Variants in FHOD3 observed in about 807,000 individuals in gnomAD.
The protein encoded by FHOD3 is FH1/FH2 domain-containing protein 3.
In FHOD3, 90 loss-of-function variants were observed where a neutral mutation model predicts 173.0. The ratio of observed to expected loss-of-function variants is 0.52; its 90% CI spans 0.44 to 0.62. The LOEUF (loss-of-function observed/expected upper bound fraction) is 0.62. FHOD3 is among the 20% of genes least tolerant of loss of function. The pLI is 0.00. For missense variants in FHOD3, 1,945 were observed against 2,034.7 expected (o/e 0.96, Z 0.85); for synonymous variants, 828 against 823.0 (o/e 1.01, Z -0.10).
chr18:36,745,643 A>G (rs1033281821), intron 23 of FHOD3, among the ~76,000 whole-genome samples: 3 of 151,996 alleles, frequency 2.0e-5, no homozygotes, highest in Admixed American at 6.6e-5. Flanking sequence ...TGCCTCTGTC[A>G]GTGGCCCCTA....
At chr18:36,519,797 G>A (rs1349720582) in intron 5 of FHOD3, among the ~76,000 whole-genome samples, 1 of 152,150 alleles carries the variant, frequency 6.6e-6, no homozygotes, top group Non-Finnish European at 1.5e-5. Flanking sequence ...GGCAGCAAGT[G>A]CGATATTTGC....
intron 7 of FHOD3, 40 bp from the exon 8 acceptor site, chr18:36,602,634 G>C (rs1032068375): frequency 4.3e-6 from 6 of 1,387,110 alleles, no homozygotes; most frequent in Non-Finnish European, 5.1e-6. Flanking sequence ...AAAGAATGTT[G>C]ATGAATTGCT....
intron 5 of FHOD3, among the ~76,000 whole-genome samples, chr18:36,552,920 G>T (rs2057720750): frequency 6.6e-6 from 1 of 152,138 alleles, no homozygotes; most frequent in African/African-American, 2.4e-5. Context: ...AATGCTTCCA[G>T]TTTTTGCCCA....
intron 5 of FHOD3, among the ~76,000 whole-genome samples, chr18:36,560,158 C>A (rs751128084): frequency 1.3e-4 from 20 of 152,296 alleles, no homozygotes; most frequent in Non-Finnish European, 1.3e-4. Context: ...TTACACCTTG[C>A]CTAAGTTCGT....
intron 3 of FHOD3, among the ~76,000 whole-genome samples, chr18:36,421,546 T>G (rs2049985509): frequency 6.6e-6 from 1 of 152,236 alleles, no homozygotes; most frequent in Non-Finnish European, 1.5e-5. Flanking sequence ...CGATAGTGAT[T>G]GGCTTAACTT....
chr18:36,757,141 A>G (rs2042664784), intron 25 of FHOD3, among the ~76,000 whole-genome samples: 2 of 152,198 alleles, frequency 1.3e-5, no homozygotes, highest in Admixed American at 6.5e-5. Context: ...TTCTCTTAAA[A>G]CATTTGGCTT....
intron 5 of FHOD3, among the ~76,000 whole-genome samples, chr18:36,571,857 C>A (rs2058464401): frequency 1.3e-5 from 2 of 152,150 alleles, no homozygotes; most frequent in South Asian, 4.2e-4. Context: ...GATCATAGAG[C>A]TACATATAAA....
In FHOD3 at chr18:36,630,409, C is replaced by T. The variant is rs942642380; in HGVS notation, c.1196+4660C>T. Among the ~76,000 whole-genome samples, 20 of 152,130 alleles carry T rather than the reference C, an allele frequency of 1.3e-4. 1 individual carries two copies. Among genetic ancestry groups the T allele is most frequent in the Admixed American group, 5.9e-4 (9 of 15,270 alleles). ...TTTAAGTCCGTTTAGCAAAGTTTCACGCTTCAAATTCTCAGGAAATATGCT... is the reference window on the plus strand; with the variant it reads ...TTTAAGTCCGTTTAGCAAAGTTTCATGCTTCAAATTCTCAGGAAATATGCT... On this transcript the variant is annotated intron_variant, in intron 10 of 28. Coordinates refer to ENST00000590592, the MANE Select transcript of FHOD3 (RefSeq NM_001281740.3).
chr18:36,673,057 A>G (rs1354721838), intron 14 of FHOD3, among the ~76,000 whole-genome samples: 1 of 152,078 alleles, frequency 6.6e-6, no homozygotes, highest in African/African-American at 2.4e-5. Flanking sequence ...CAAAGTGCCA[A>G]CTCATCATCG....
chr18:36,579,969 A>G (rs1287183546), intron 6 of FHOD3, among the ~76,000 whole-genome samples: 1 of 152,056 alleles, frequency 6.6e-6, no homozygotes, highest in Non-Finnish European at 1.5e-5. Flanking sequence ...AATAACAGAA[A>G]TGCATGCCAT....
At chr18:36,327,652 CT>C (rs60035496) in intron 1 of FHOD3, among the ~76,000 whole-genome samples, 17,454 of 152,212 alleles carry the variant, frequency 0.11, 2,676 homozygotes, top group African/African-American at 0.35. Flanking sequence ...ATCTCTCTCT[CT>C]TTCTCAAATT....
At chr18:36,357,765 A>G (rs1437843698) in intron 2 of FHOD3, among the ~76,000 whole-genome samples, 2 of 152,226 alleles carry the variant, frequency 1.3e-5, no homozygotes. Flanking sequence ...TTCATGGCTC[A>G]TTGATCAAAC....
chr18:36,321,729 G>A (rs979179990), intron 1 of FHOD3, among the ~76,000 whole-genome samples: 8 of 152,192 alleles, frequency 5.3e-5, no homozygotes, highest in African/African-American at 1.9e-4. Context: ...GGTGACCAGG[G>A]CTGTGAGCCC....
intron 17 of FHOD3, among the ~76,000 whole-genome samples, chr18:36,694,948 CAGAAAAT>C (rs1454189795): frequency 6.6e-6 from 1 of 151,444 alleles, no homozygotes; most frequent in African/African-American, 2.4e-5. Flanking sequence ...AGTAAGAATA[CAGAAAAT>C]AGTCATTTCA....
At chr18:36,349,144 G>A (rs552911321) in intron 1 of FHOD3, among the ~76,000 whole-genome samples, 13 of 152,276 alleles carry the variant, frequency 8.5e-5, no homozygotes, top group South Asian at 2.1e-4. Flanking sequence ...GGCTGGCCTC[G>A]CGTGACATGT....
intron 3 of FHOD3, among the ~76,000 whole-genome samples, chr18:36,402,326 C>T (rs1003569433): frequency 6.6e-6 from 1 of 152,108 alleles, no homozygotes; most frequent in Non-Finnish European, 1.5e-5. Flanking sequence ...CAGCAAAGAA[C>T]CTGAGTGCTC....
intron 14 of FHOD3, among the ~76,000 whole-genome samples, chr18:36,675,548 C>G (rs965032806): frequency 6.6e-6 from 1 of 152,166 alleles, no homozygotes; most frequent in African/African-American, 2.4e-5. Flanking sequence ...GCCTCCTATG[C>G]CACTGGATAG....
At position 36,337,318 on chromosome 18, in the gene FHOD3, T is replaced by A. The variant is rs151298136; in HGVS notation, c.166-18221T>A. Among the ~76,000 whole-genome samples the A allele has an allele frequency of 3.0e-4, 45 of 152,308 alleles. 1 individual carries two copies. Among genetic ancestry groups the A allele is most frequent in the African/African-American group, 1.1e-3 (44 of 41,564 alleles). Reference sequence around the variant, plus strand: ...TGTACTTCCTGCACAGTGAATACGATCCCCAAACACACCAGACCTGGTCAC... The same window carrying A: ...TGTACTTCCTGCACAGTGAATACGAACCCCAAACACACCAGACCTGGTCAC... On this transcript the variant is annotated intron_variant, in intron 1 of 28. Coordinates refer to ENST00000590592, the MANE Select transcript of FHOD3 (RefSeq NM_001281740.3).
intron 5 of FHOD3, among the ~76,000 whole-genome samples, chr18:36,533,567 A>G (rs1462153013): frequency 1.3e-5 from 2 of 152,210 alleles, no homozygotes; most frequent in Non-Finnish European, 2.9e-5. Flanking sequence ...CTGCTCTTGA[A>G]AAGGTCTGAG....
Sources: allele counts gnomAD v4.1 joint callset (sites outside exome capture counted in the v4.1 genomes callset), GRCh38; gene constraint gnomAD v4.1.1; transcripts MANE v1.5; gene names NCBI Gene and HGNC (gene_info 2026-07-23, HGNC 2026-07-21).